The following FAF1 variants were observed in gnomAD, a reference collection of about 807,000 sequenced individuals.
The protein encoded by FAF1 is FAS-associated factor 1.
FAF1 carries 25 observed loss-of-function variants against 92.5 expected under a neutral mutation model. The ratio of observed to expected loss-of-function variants is 0.27; its 90% confidence interval spans 0.20 to 0.38. The LOEUF is 0.38. Ranked by LOEUF, FAF1 falls within the 10% of genes least tolerant of loss-of-function variation. The pLI is 1.00. For missense variants in FAF1, 636 were observed against 793.3 expected (o/e 0.80, Z 2.38); for synonymous variants, 234 against 273.2 (o/e 0.86, Z 1.42).
chr1:50,519,370 A>AGGAGGGAGGGAG (rs781526889), intron 15 of FAF1, among the ~76,000 whole-genome samples: 92 of 99,562 alleles, frequency 9.2e-4, no homozygotes, highest in African/African-American at 3.7e-3. Flanking sequence ...GAAGGAAGGA[A>AGGAGGGAGGGAG]GGAGGGAGGG....
chr1:50,707,477 T>C (rs553932914), intron 6 of FAF1, among the ~76,000 whole-genome samples: 3 of 152,064 alleles, frequency 2.0e-5, no homozygotes, highest in South Asian at 4.1e-4. Flanking sequence ...GGCGGGTGGA[T>C]TGCCTGGACT....
chr1:50,639,473 G>C (rs1050076789), intron 8 of FAF1, among the ~76,000 whole-genome samples: 1 of 152,166 alleles, frequency 6.6e-6, no homozygotes, highest in Non-Finnish European at 1.5e-5. Flanking sequence ...TTATTCACCT[G>C]ATTGTATATG....
At chr1:50,625,037 G>T (rs1653432839) in intron 8 of FAF1, among the ~76,000 whole-genome samples, 1 of 151,934 alleles carries the variant, frequency 6.6e-6, no homozygotes, top group Non-Finnish European at 1.5e-5. Context: ...GAGTAGCTGG[G>T]ATTACAGGCG....
chr1:50,499,510 T>G (rs905964240), intron 15 of FAF1, among the ~76,000 whole-genome samples: 1 of 151,996 alleles, frequency 6.6e-6, no homozygotes, highest in Non-Finnish European at 1.5e-5. Context: ...GATTATATCA[T>G]AAATTACACT....
intron 8 of FAF1, among the ~76,000 whole-genome samples, chr1:50,613,640 G>A (rs1652776029): frequency 6.6e-6 from 1 of 152,016 alleles, no homozygotes. Flanking sequence ...GATTTGAAAT[G>A]TCTCACATAA....
chr1:50,541,039 T>C (rs1648735668), intron 13 of FAF1, among the ~76,000 whole-genome samples: 1 of 152,228 alleles, frequency 6.6e-6, no homozygotes, highest in Non-Finnish European at 1.5e-5. Context: ...GGTAAATCTA[T>C]TTGAAAAGAC....
chr1:50,811,472 A>G (rs1007853493), intron 2 of FAF1, among the ~76,000 whole-genome samples: 1 of 152,214 alleles, frequency 6.6e-6, no homozygotes, highest in Non-Finnish European at 1.5e-5. Flanking sequence ...CACAAAGAAA[A>G]TGAAATACCC....
chr1:50,917,588 GAAAAGAAAGGAA>G (rs1161506752), intron 1 of FAF1, among the ~76,000 whole-genome samples: 1 of 144,416 alleles, frequency 6.9e-6, no homozygotes, highest in African/African-American at 2.6e-5. Flanking sequence ...AAAAGGAAAG[GAAAAGAAAGGAA>G]AAAGGAAAGG....
At chr1:50,953,379 G>T (rs1645236316) in intron 1 of FAF1, among the ~76,000 whole-genome samples, 1 of 150,058 alleles carries the variant, frequency 6.7e-6, no homozygotes, top group Admixed American at 6.6e-5. Context: ...AAACACCCAA[G>T]AATAATCAAT....
At chr1:50,638,584 C>T (rs753233453) in intron 8 of FAF1, among the ~76,000 whole-genome samples, 1 of 151,800 alleles carries the variant, frequency 6.6e-6, no homozygotes, top group African/African-American at 2.4e-5. Flanking sequence ...GCTGAGATTA[C>T]AGACGCCCAC....
At chr1:50,843,365 C>A (rs1644271734) in intron 2 of FAF1, among the ~76,000 whole-genome samples, 1 of 152,112 alleles carries the variant, frequency 6.6e-6, no homozygotes, top group African/African-American at 2.4e-5. Context: ...GGATAACCAT[C>A]ACCTCAAACA....
chr1:50,444,150 T>C (rs1646201328), intron 18 of FAF1, among the ~76,000 whole-genome samples: 1 of 152,194 alleles, frequency 6.6e-6, no homozygotes, highest in Non-Finnish European at 1.5e-5. Context: ...ACAAACCAAT[T>C]GAGAGAAACC....
intron 3 of FAF1, among the ~76,000 whole-genome samples, chr1:50,789,631 C>T (rs1569951557): frequency 6.6e-6 from 1 of 152,208 alleles, no homozygotes; most frequent in East Asian, 1.9e-4. Flanking sequence ...GCAATTGCCT[C>T]CTAACTAATC....
chr1:50,692,224 A>T (rs1656960013), intron 7 of FAF1, among the ~76,000 whole-genome samples: 1 of 145,680 alleles, frequency 6.9e-6, no homozygotes, highest in Admixed American at 7.0e-5. Flanking sequence ...CCACATATCC[A>T]GCACTTGAAG....
chr1:50,516,477 C>T (rs1210293520), intron 15 of FAF1, among the ~76,000 whole-genome samples: 4 of 152,152 alleles, frequency 2.6e-5, no homozygotes, highest in Admixed American at 6.6e-5. Context: ...ATGGCAGACA[C>T]TGAATGAATT....
intron 5 of FAF1, among the ~76,000 whole-genome samples, 179 bp downstream of exon 5, chr1:50,744,505 G>T (rs1358886355): frequency 1.3e-5 from 2 of 152,098 alleles, no homozygotes; most frequent in African/African-American, 4.8e-5. Flanking sequence ...ATTGTTATTG[G>T]TTTATCATGA....
chr1:50,688,615 C>A (rs1656779698), intron 7 of FAF1, among the ~76,000 whole-genome samples: 1 of 152,088 alleles, frequency 6.6e-6, no homozygotes, highest in Non-Finnish European at 1.5e-5. Flanking sequence ...AAGTTCGAGA[C>A]CAACCTGACC....
intron 13 of FAF1, among the ~76,000 whole-genome samples, chr1:50,559,798 T>C (rs1456739307): frequency 6.6e-6 from 1 of 152,160 alleles, no homozygotes; most frequent in East Asian, 1.9e-4. Flanking sequence ...TGACAAACTC[T>C]CCTGGTGTTT....
intron 18 of FAF1, among the ~76,000 whole-genome samples, chr1:50,463,152 G>A (rs1646453435): frequency 6.6e-6 from 1 of 152,112 alleles, no homozygotes; most frequent in African/African-American, 2.4e-5. Flanking sequence ...GTATACCTAT[G>A]TGTTCAGCAC....
Sources: allele counts gnomAD v4.1 joint callset (sites outside exome capture counted in the v4.1 genomes callset), GRCh38; gene constraint gnomAD v4.1.1; transcripts MANE v1.5; gene names NCBI Gene and HGNC (gene_info 2026-07-23, HGNC 2026-07-21).